SORCS1: variants seen among roughly 807,000 people sequenced by gnomAD.
The protein encoded by SORCS1 is sortilin related VPS10 domain containing receptor 1, also known as VPS10 domain-containing receptor SorCS1.
SORCS1 carries 60 observed loss-of-function variants against 146.1 expected under a neutral mutation model. The ratio of observed to expected loss-of-function variants is 0.41; its 90% CI spans 0.33 to 0.51. The LOEUF (loss-of-function observed/expected upper bound fraction) is 0.51. SORCS1 is among the 20% of genes least tolerant of loss of function. SORCS1 has a pLI of 0.21. For missense variants in SORCS1, 1,352 were observed against 1,487.6 expected (o/e 0.91, Z 1.50); for synonymous variants, 637 against 584.0 (o/e 1.09, Z -1.31).
chr10:106,673,929 T>C (rs1012149365), intron 14 of SORCS1, among the ~76,000 whole-genome samples: 1 of 152,128 alleles, frequency 6.6e-6, no homozygotes, highest in Admixed American at 6.5e-5. Flanking sequence ...AGACAAATTA[T>C]GGAATGCATT....
intron 2 of SORCS1, among the ~76,000 whole-genome samples, chr10:106,901,458 T>C (rs7905547): frequency 0.077 from 11,770 of 152,128 alleles, 991 homozygotes; most frequent in African/African-American, 0.2. Context: ...TTTGAGGCAG[T>C]GTCTCACTTT....
intron 1 of SORCS1, among the ~76,000 whole-genome samples, chr10:107,080,626 A>G (rs2134237067): frequency 6.6e-6 from 1 of 152,352 alleles, no homozygotes; most frequent in South Asian, 2.1e-4. Context: ...TGTAACCGAC[A>G]CAATAAGAAA....
intron 24 of SORCS1, among the ~76,000 whole-genome samples, chr10:106,594,079 T>C (rs1845769239): frequency 1.3e-5 from 2 of 152,374 alleles, no homozygotes; most frequent in South Asian, 4.1e-4. Context: ...CATGGAGCTA[T>C]AAATCCAAGG....
intron 1 of SORCS1, among the ~76,000 whole-genome samples, chr10:107,092,411 T>C (rs989000507): frequency 1.3e-5 from 2 of 152,174 alleles, no homozygotes; most frequent in African/African-American, 4.8e-5. Context: ...GATAATATCA[T>C]CCATATTGCA....
intron 3 of SORCS1, among the ~76,000 whole-genome samples, chr10:106,826,925 A>T (rs1948331542): frequency 6.6e-6 from 1 of 152,242 alleles, no homozygotes; most frequent in African/African-American, 2.4e-5. Flanking sequence ...TCTTAAGAAC[A>T]GTAAAATGCC....
chr10:107,018,022 G>C (rs931549122), intron 1 of SORCS1, among the ~76,000 whole-genome samples: 1 of 152,064 alleles, frequency 6.6e-6, no homozygotes, highest in African/African-American at 2.4e-5. Flanking sequence ...CATGAGACAG[G>C]TGCCCACCCT....
rs1958147206 is a variant in SORCS1, at chr10:107,021,628, T to G, written c.559-65048A>C. On this transcript the variant is annotated intron_variant, in intron 1 of 25. Coordinates refer to ENST00000263054, the MANE Select transcript of SORCS1 (RefSeq NM_052918.5). ...ATGTTTCTTTGTGACCTTCTTGATC[T>G]AAAAATTCACTAAGAGCAAGTATGT... 2.7e-5 allele frequency among the ~76,000 whole-genome samples: 4 copies of G among 150,922 alleles called. No individual in the cohort carries two copies. The South Asian group carries it at 8.6e-4, about 32-fold the overall frequency.
At chr10:106,843,942 T>C (rs1182485471) in intron 2 of SORCS1, among the ~76,000 whole-genome samples, 1 of 152,204 alleles carries the variant, frequency 6.6e-6, no homozygotes, top group Non-Finnish European at 1.5e-5. Flanking sequence ...TGGATCTATA[T>C]GGAGCATATT....
At chr10:107,109,126 G>A (rs1965505759) in intron 1 of SORCS1, among the ~76,000 whole-genome samples, 1 of 152,174 alleles carries the variant, frequency 6.6e-6, no homozygotes, top group South Asian at 2.1e-4. Flanking sequence ...CCAGGGGCAT[G>A]GTGCAAGCTG....
the SORCS1 span, among the ~76,000 whole-genome samples, chr10:107,176,022 G>C: frequency 2.6e-5 from 4 of 151,878 alleles, no homozygotes; most frequent in Non-Finnish European, 5.9e-5. Flanking sequence ...CTTTATTTCT[G>C]CTTATATACA....
chr10:107,074,650 C>A (rs1962730409), intron 1 of SORCS1, among the ~76,000 whole-genome samples: 1 of 152,164 alleles, frequency 6.6e-6, no homozygotes, highest in African/African-American at 2.4e-5. Context: ...GTACTATTTT[C>A]CATTCCTAAT....
chr10:106,690,692 G>T (rs1853232004), intron 9 of SORCS1, among the ~76,000 whole-genome samples: 1 of 152,230 alleles, frequency 6.6e-6, no homozygotes, highest in African/African-American at 2.4e-5. Flanking sequence ...GAGAGGGTCT[G>T]CTTATTGCTT....
chr10:106,889,888 T>TTAAAAA (rs1554875507), intron 2 of SORCS1, among the ~76,000 whole-genome samples: 67 of 71,672 alleles, frequency 9.3e-4, no homozygotes, highest in East Asian at 7.3e-3. Context: ...ACGTCTCAAA[T>TTAAAAA]AAAAAAAAAA....
Position 107,048,690 on chromosome 10 carries a change from C to T in SORCS1, c.559-92110G>A, listed in dbSNP as rs566058836. Among the ~76,000 whole-genome samples, 4 of 152,242 alleles carry T rather than the reference C, an allele frequency of 2.6e-5. No homozygotes were observed. In the East Asian group the frequency reaches 7.7e-4, roughly 29 times the overall value. On this transcript the variant is annotated intron_variant, in intron 1 of 25. Transcript: ENST00000263054. ...CCCTATGGAAGCTTACTTAAGTGTACCTCTTCACACCCATTCACATCGTAG... is the reference window on the plus strand; with the variant it reads ...CCCTATGGAAGCTTACTTAAGTGTATCTCTTCACACCCATTCACATCGTAG...
At chr10:106,991,977 G>GA (rs1455635136) in intron 1 of SORCS1, among the ~76,000 whole-genome samples, 4 of 152,134 alleles carry the variant, frequency 2.6e-5, no homozygotes, top group Admixed American at 6.5e-5. Context: ...TGACAGATCT[G>GA]AAAAAGACGA....
At chr10:106,899,955 T>TACATACACACAC (rs1248237970) in intron 2 of SORCS1, among the ~76,000 whole-genome samples, 1 of 152,034 alleles carries the variant, frequency 6.6e-6, no homozygotes, top group Non-Finnish European at 1.5e-5. Context: ...TGTGTGTATG[T>TACATACACACAC]ACATACACAC....
At chr10:106,656,625 C>G (rs1850314437) in intron 17 of SORCS1, among the ~76,000 whole-genome samples, 1 of 150,704 alleles carries the variant, frequency 6.6e-6, no homozygotes, top group African/African-American at 2.4e-5. Flanking sequence ...CATTAAAAGT[C>G]TTTGTAATCT....
At chr10:106,738,330 G>A (rs1471117654) in intron 5 of SORCS1, among the ~76,000 whole-genome samples, 1 of 152,194 alleles carries the variant, frequency 6.6e-6, no homozygotes, top group East Asian at 1.9e-4. Context: ...ATCTAAGTGG[G>A]TAGTAAATGT....
intron 8 of SORCS1, among the ~76,000 whole-genome samples, chr10:106,703,897 T>C (rs913719637): frequency 6.6e-6 from 1 of 152,180 alleles, no homozygotes; most frequent in Admixed American, 6.5e-5. Context: ...CTAGCCCCTA[T>C]TTTTTCTGGG....
Sources: allele counts gnomAD v4.1 joint callset (sites outside exome capture counted in the v4.1 genomes callset), GRCh38; gene constraint gnomAD v4.1.1; transcripts MANE v1.5; gene names NCBI Gene and HGNC (gene_info 2026-07-23, HGNC 2026-07-21).